Variants in PLXDC2 observed in about 807,000 individuals in gnomAD.
The protein encoded by PLXDC2 is plexin domain containing 2.
Under a neutral mutation model 68.9 loss-of-function variants are expected in PLXDC2, and 40 were observed. The ratio of observed to expected loss-of-function variants is 0.58; its 90% CI spans 0.45 to 0.76. The LOEUF (loss-of-function observed/expected upper bound fraction) is 0.76, where lower values mean the gene tolerates loss of function less well. Ranked by LOEUF, PLXDC2 falls within the 30% of genes least tolerant of loss-of-function variation. PLXDC2 has a pLI of 0.00. For missense variants in PLXDC2, 644 were observed against 661.9 expected, an observed-to-expected ratio of 0.97 and a Z score of 0.30; for synonymous variants, 243 against 234.2, an observed-to-expected ratio of 1.04 and a Z score of -0.34.
At chr10:19,941,011 A>G (rs538959005) in intron 1 of PLXDC2, among the ~76,000 whole-genome samples, 4 of 152,344 alleles carry the variant, frequency 2.6e-5, no homozygotes, top group East Asian at 1.9e-4. Flanking sequence ...AAGTAAATAA[A>G]CTAATAAAAG....
chr10:19,961,693 A>G (rs891496396), intron 1 of PLXDC2, among the ~76,000 whole-genome samples: 1 of 152,208 alleles, frequency 6.6e-6, no homozygotes, highest in African/African-American at 2.4e-5. Context: ...TGGGTGGTAC[A>G]TTGCACAAAG....
At chr10:20,050,515 A>G (rs1233222747) in intron 3 of PLXDC2, among the ~76,000 whole-genome samples, 1 of 152,112 alleles carries the variant, frequency 6.6e-6, no homozygotes, top group Non-Finnish European at 1.5e-5. Context: ...CAAATTTACA[A>G]GAAAAAAACG....
intron 1 of PLXDC2, among the ~76,000 whole-genome samples, chr10:19,997,267 C>A (rs1369630328): frequency 6.6e-6 from 1 of 152,132 alleles, no homozygotes. Context: ...AGAATTTTAT[C>A]TTTGGTTCTG....
intron 2 of PLXDC2, among the ~76,000 whole-genome samples, chr10:20,004,266 G>A (rs938638207): frequency 3.3e-5 from 5 of 152,300 alleles, no homozygotes; most frequent in Middle Eastern, 3.4e-3. Flanking sequence ...GCTATTATGT[G>A]GCCATGGTGT....
chr10:20,214,967 A>G (rs1276282093), intron 10 of PLXDC2, among the ~76,000 whole-genome samples: 1 of 152,170 alleles, frequency 6.6e-6, no homozygotes, highest in Non-Finnish European at 1.5e-5. Flanking sequence ...CTGAAATCCA[A>G]AAGAGGAATG....
At chr10:20,218,976 C>A in intron 11 of PLXDC2, 88 bp from the exon 12 acceptor site, 1 of 1,403,010 alleles carries the variant, frequency 7.1e-7, no homozygotes, top group African/African-American at 1.4e-5. Flanking sequence ...CCGACCAAGG[C>A]AGTTAGTAGA....
intron 1 of PLXDC2, among the ~76,000 whole-genome samples, chr10:19,871,288 TTTA>T (rs1837529481): frequency 6.6e-6 from 1 of 152,212 alleles, no homozygotes; most frequent in South Asian, 2.1e-4. Context: ...TTGTCATTCT[TTTA>T]ACCACATTGT....
intron 6 of PLXDC2, among the ~76,000 whole-genome samples, chr10:20,162,246 A>G (rs1208528839): frequency 6.6e-6 from 1 of 152,230 alleles, no homozygotes; most frequent in Admixed American, 6.5e-5. Context: ...GGAGGGCTGC[A>G]GGAACCAAGA....
At chr10:19,823,882 C>G (rs993666261) in intron 1 of PLXDC2, among the ~76,000 whole-genome samples, 1 of 152,004 alleles carries the variant, frequency 6.6e-6, no homozygotes, top group Non-Finnish European at 1.5e-5. Context: ...GTGGTGCACA[C>G]CTGTAGTCCC....
intron 12 of PLXDC2, among the ~76,000 whole-genome samples, chr10:20,236,360 G>A (rs1038134459): frequency 6.6e-6 from 1 of 152,038 alleles, no homozygotes; most frequent in Non-Finnish European, 1.5e-5. Flanking sequence ...CAGGAGAATC[G>A]CTTGAACCCA....
chr10:19,994,049 C>T (rs910227122), intron 1 of PLXDC2, among the ~76,000 whole-genome samples: 2 of 152,052 alleles, frequency 1.3e-5, no homozygotes, highest in African/African-American at 4.8e-5. Flanking sequence ...AGTTTCATAG[C>T]CTTTCAATCC....
chr10:20,268,848 G>T (rs1835901547), intron 13 of PLXDC2, among the ~76,000 whole-genome samples: 1 of 152,158 alleles, frequency 6.6e-6, no homozygotes, highest in African/African-American at 2.4e-5. Context: ...CGGTGAACTG[G>T]CTTGTTTTCA....
intron 2 of PLXDC2, among the ~76,000 whole-genome samples, chr10:20,022,440 A>G (rs928798108): frequency 3.9e-5 from 6 of 152,168 alleles, no homozygotes; most frequent in Admixed American, 1.3e-4. Flanking sequence ...ATGATTGGGA[A>G]GACTTGTTAG....
intron 4 of PLXDC2, among the ~76,000 whole-genome samples, chr10:20,141,352 G>T (rs1009971152): frequency 2.6e-5 from 4 of 152,052 alleles, no homozygotes; most frequent in Admixed American, 6.6e-5. Context: ...TTTTGCAACA[G>T]TGTATTTCTA....
At chr10:20,123,122 C>T (rs1472400751) in intron 4 of PLXDC2, among the ~76,000 whole-genome samples, 2 of 152,092 alleles carry the variant, frequency 1.3e-5, no homozygotes, top group Non-Finnish European at 2.9e-5. Flanking sequence ...TAAGCCGGAC[C>T]AGGTGTGAGG....
chr10:19,905,776 G>T (rs1307612192), intron 1 of PLXDC2, among the ~76,000 whole-genome samples: 2 of 152,110 alleles, frequency 1.3e-5, no homozygotes, highest in East Asian at 3.9e-4. Flanking sequence ...TTTTCCTGGT[G>T]TCGTTGGATA....
rs1263637149 is a variant in PLXDC2, at chr10:20,039,744, TA to T, written c.325-7118del. On this transcript the variant is annotated intron_variant, in intron 2 of 13. Transcript: ENST00000377252. ...TAGTTTGCATATAATGTGTTTATTA[TA>T]AAAAAATTCAAATAATACAGATGAG... is the stretch of plus-strand genomic sequence containing the variant. 1.3e-5 allele frequency among the ~76,000 whole-genome samples: 2 copies of T among 152,246 alleles called. 1 individual carries two copies. Among genetic ancestry groups the T allele is most frequent in the East Asian group, 3.9e-4 (2 of 5,176 alleles).
intron 1 of PLXDC2, among the ~76,000 whole-genome samples, chr10:19,840,529 G>A (rs1011690526): frequency 6.6e-6 from 1 of 152,092 alleles, no homozygotes; most frequent in African/African-American, 2.4e-5. Flanking sequence ...AACTAAGTAA[G>A]CTCACAGTTC....
At chr10:20,265,622 G>A (rs1316267330) in intron 13 of PLXDC2, among the ~76,000 whole-genome samples, 3 of 151,874 alleles carry the variant, frequency 2.0e-5, no homozygotes, top group African/African-American at 7.3e-5. Flanking sequence ...GTATATATTG[G>A]CATATAAAGT....
Sources: gnomAD v4.1 joint callset for allele counts (sites outside exome capture counted in the v4.1 genomes callset) on GRCh38, gnomAD v4.1.1 for gene constraint, MANE v1.5 for transcripts, NCBI Gene and HGNC (gene_info 2026-07-23, HGNC 2026-07-21) for gene names.